The following CBLN2 variants were observed in gnomAD, a reference collection of about 807,000 sequenced individuals.
The protein encoded by CBLN2 is cerebellin-2.
In CBLN2, 7 loss-of-function variants were observed where a neutral mutation model predicts 15.0. The observed-to-expected ratio is 0.47, with a 90% CI of 0.27 to 0.88. The LOEUF is 0.88. CBLN2 is among the 40% of genes least tolerant of loss of function. The pLI, the probability that CBLN2 is intolerant of heterozygous loss-of-function variation, is 0.14. For synonymous variants in CBLN2, 149 were observed against 135.2 expected, an observed-to-expected ratio of 1.10 and a Z score of -0.71; for missense variants, 242 against 304.5, an observed-to-expected ratio of 0.79 and a Z score of 1.53.
intron 1 of CBLN2, among the ~76,000 whole-genome samples, chr18:72,626,905 C>T (rs2069743390): frequency 6.6e-6 from 1 of 152,156 alleles, no homozygotes; most frequent in Non-Finnish European, 1.5e-5. Flanking sequence ...GATTTTTCAC[C>T]TCATTTCAAT....
intron 1 of CBLN2, among the ~76,000 whole-genome samples, chr18:72,615,369 C>T (rs947937183): frequency 4.7e-5 from 7 of 149,778 alleles, no homozygotes; most frequent in East Asian, 2.0e-4. Flanking sequence ...CTCCTCCTCC[C>T]GGGTTCAAAC....
chr18:72,590,178 T>C (rs1159724722), intron 1 of CBLN2, among the ~76,000 whole-genome samples: 2 of 151,870 alleles, frequency 1.3e-5, no homozygotes, highest in Admixed American at 6.5e-5. Flanking sequence ...GGCAGGAGAA[T>C]GGTGTGAACC....
intron 1 of CBLN2, among the ~76,000 whole-genome samples, chr18:72,553,937 C>T (rs1045474495): frequency 9.2e-5 from 14 of 152,162 alleles, no homozygotes; most frequent in African/African-American, 3.1e-4. Context: ...CGTTTTTCAG[C>T]TTATGCCTAG....
At chr18:72,638,257 C>A in intron 1 of CBLN2, 1 of 398,482 alleles carries the variant, frequency 2.5e-6, no homozygotes, top group South Asian at 1.3e-4. Flanking sequence ...ATTCCACAGT[C>A]TTTGGGAGCT....
chr18:72,548,467 A>C (rs67557363), upstream of CBLN2, among the ~76,000 whole-genome samples: 9,155 of 152,220 alleles, frequency 0.06, 879 homozygotes, highest in East Asian at 0.51. Flanking sequence ...TTTGTTTTTA[A>C]ACTGAGCTAC....
At chr18:72,630,121 G>C (rs2069765148) in intron 1 of CBLN2, among the ~76,000 whole-genome samples, 1 of 152,132 alleles carries the variant, frequency 6.6e-6, no homozygotes, top group Non-Finnish European at 1.5e-5. Flanking sequence ...ATACGCTTAA[G>C]ATTTTGTACC....
chr18:72,542,139 G>A lies in CBLN2; in HGVS notation c.22C>T (p.Pro8Ser). The change falls in exon 3 of 5, where the codon CCA (proline) becomes TCA (serine). Residue 8 changes from proline (P) to serine (S), a missense_variant. This residue lies in a region of CBLN2 where 96 missense variants were observed against 83.8 expected (regional missense o/e 1.15). Transcript: ENST00000269503. MQAPGRG[P>S]LGLRLMMPGR... The stretch of plus-strand genomic sequence containing the variant: ...GGCATCATCAGCCGCAGCCCGAGTG[G>A]CCCCCGGCCGGGCGCCTGCATCGGG... 1 of 1,323,018 alleles carries A rather than the reference G, an allele frequency of 7.6e-7. No individual in the cohort carries two copies. The highest frequency in any genetic ancestry group is 2.1e-5 in the South Asian group (1 of 47,064). The allele number at this position is 1,323,018 out of a possible 1,614,324, so 82.0% of individuals were successfully genotyped here.
At chr18:72,584,792 G>C (rs1568124260) in intron 1 of CBLN2, among the ~76,000 whole-genome samples, 1 of 152,198 alleles carries the variant, frequency 6.6e-6, no homozygotes, top group Non-Finnish European at 1.5e-5. Context: ...TCCTTGGGGT[G>C]TCACTTCACC....
intron 1 of CBLN2, among the ~76,000 whole-genome samples, chr18:72,622,302 G>T (rs935024892): frequency 9.2e-5 from 14 of 151,846 alleles, no homozygotes; most frequent in African/African-American, 2.7e-4. Context: ...ATGCAACCAA[G>T]ATCTTGCTTG....
intron 1 of CBLN2, among the ~76,000 whole-genome samples, chr18:72,584,444 G>T (rs1292018973): frequency 6.6e-6 from 1 of 151,758 alleles, no homozygotes; most frequent in Non-Finnish European, 1.5e-5. Flanking sequence ...CCCAACTCCA[G>T]GTGCATGCCA....
chr18:72,625,948 C>A (rs2069736466), intron 1 of CBLN2, among the ~76,000 whole-genome samples: 1 of 150,746 alleles, frequency 6.6e-6, no homozygotes, highest in Non-Finnish European at 1.5e-5. Flanking sequence ...CAAAGTTGTG[C>A]AGAAAGCACA....
chr18:72,598,858 C>A (rs1210585028), intron 1 of CBLN2, among the ~76,000 whole-genome samples: 1 of 152,174 alleles, frequency 6.6e-6, no homozygotes, highest in African/African-American at 2.4e-5. Flanking sequence ...TGCAAAGTCC[C>A]AAAATTGCTG....
chr18:72,542,198 G>T lies in CBLN2; in HGVS notation c.-38C>A. On this transcript the variant is annotated 5_prime_UTR_variant, in exon 3 of 5. Coordinates refer to ENST00000269503, the MANE Select transcript of CBLN2 (RefSeq NM_182511.4). ...GAGGCGGCGCGCGGGGGTGGAGGCC[G>T]GCGCCGGCGCGAGCGGCGCGGAAGG... The T allele has an allele frequency of 8.5e-7, 1 of 1,180,716 alleles. No homozygotes were observed. The highest frequency in any genetic ancestry group is 4.2e-5 in the South Asian group (1 of 23,660). 73.1% of individuals were successfully genotyped at this position (1,180,716 alleles called of 1,614,324 possible).
Position 72,541,649 on chromosome 18 carries a change from C to A in CBLN2, c.357+155G>T, listed in dbSNP as rs373567587. Among the ~76,000 whole-genome samples, 302 of 152,214 alleles carry A rather than the reference C, an allele frequency of 2.0e-3. 1 individual carries two copies. Among genetic ancestry groups the A allele is most frequent in the African/African-American group, 7.0e-3 (291 of 41,544 alleles). ...GTGGAAAAGGGAAAGAGTAGGAGTGCGTTCTATGAAACGGGAGGAAAGAGA... is the reference window on the plus strand; with the variant it reads ...GTGGAAAAGGGAAAGAGTAGGAGTGAGTTCTATGAAACGGGAGGAAAGAGA... On this transcript the variant is annotated intron_variant, in intron 3 of 4. Transcript: ENST00000269503.
intron 1 of CBLN2, among the ~76,000 whole-genome samples, chr18:72,553,222 A>C (rs2069202001): frequency 6.6e-6 from 1 of 152,100 alleles, no homozygotes; most frequent in Non-Finnish European, 1.5e-5. Context: ...CAAACAAAAC[A>C]CTGAGCTGGA....
chr18:72,607,904 T>A (rs148613159), intron 1 of CBLN2, among the ~76,000 whole-genome samples: 8 of 152,306 alleles, frequency 5.3e-5, no homozygotes, highest in African/African-American at 1.7e-4. Flanking sequence ...CATCCAGCAG[T>A]AGTCTAATCA....
intron 1 of CBLN2, among the ~76,000 whole-genome samples, chr18:72,599,620 G>A (rs965678612): frequency 2.0e-5 from 3 of 152,126 alleles, no homozygotes; most frequent in Non-Finnish European, 4.4e-5. Flanking sequence ...GTTAACATGG[G>A]ACATTCATAC....
At chr18:72,615,945 G>A (rs1320570433) in intron 1 of CBLN2, among the ~76,000 whole-genome samples, 1 of 152,032 alleles carries the variant, frequency 6.6e-6, no homozygotes, top group Non-Finnish European at 1.5e-5. Context: ...CTTTTTTCCT[G>A]CTCTATGAAT....
chr18:72,580,015 T>A (rs2069392655), intron 1 of CBLN2, among the ~76,000 whole-genome samples: 1 of 151,980 alleles, frequency 6.6e-6, no homozygotes, highest in Admixed American at 6.6e-5. Flanking sequence ...AAAAGAAATA[T>A]GAAAACTGGA....
Sources: allele counts gnomAD v4.1 joint callset (sites outside exome capture counted in the v4.1 genomes callset), GRCh38; gene constraint gnomAD v4.1.1; regional missense constraint gnomAD v4.1.1; transcripts MANE v1.5; gene names NCBI Gene and HGNC (gene_info 2026-07-23, HGNC 2026-07-21).